GEN1: variants seen among roughly 807,000 people sequenced by gnomAD.
GEN1 encodes GEN1 structure-specific endonuclease, also known as flap endonuclease GEN homolog 1.
In GEN1, 64 loss-of-function variants were observed where a neutral mutation model predicts 67.6. The observed-to-expected ratio is 0.95, with a 90% CI of 0.77 to 1.17. The LOEUF is 1.17. GEN1 is among the 50% of genes most tolerant of loss of function. The probability of loss-of-function intolerance (pLI) is 0.00; values close to 1 mark genes in which losing one functional copy is unlikely to be tolerated. For synonymous variants in GEN1, 371 were observed against 359.4 expected, an observed-to-expected ratio of 1.03 and a Z score of -0.37; for missense variants, 1,058 against 1,048.3, an observed-to-expected ratio of 1.01 and a Z score of -0.13.
chr2:17,781,276 T>C lies in GEN1; in HGVS notation c.2064T>C (p.Asn688=), dbSNP rs139429589. ...IFTKLSYPQD[N]LQPDVNLKTL... is the part of the protein sequence containing the mutation. ...CAAAATTATCATATCCTCAGGATAA[T>C]CTACAACCAGATGTCAACCTGAAAA... The change falls in exon 14 of 14, where the codon AAT becomes AAC. Residue 688 remains asparagine (N), a synonymous_variant. Transcript: ENST00000381254. The C allele has an allele frequency of 1.1e-4, 182 of 1,613,674 alleles. No homozygotes were observed. The highest frequency in any genetic ancestry group is 2.0e-4 in the Admixed American group (12 of 59,996).
chr2:17,768,930 A>G (rs982849370), intron 6 of GEN1, 119 bp downstream of exon 6: 4 of 528,722 alleles, frequency 7.6e-6, no homozygotes, highest in African/African-American at 4.0e-5. Flanking sequence ...AAACTGACCT[A>G]TATTTTGTTT....
At chr2:17,779,539 T>C (rs1393659314) in intron 12 of GEN1, among the ~76,000 whole-genome samples, 2 of 152,170 alleles carry the variant, frequency 1.3e-5, no homozygotes, top group Non-Finnish European at 2.9e-5. Flanking sequence ...AAGCAAGATT[T>C]GCAATGAATA....
chr2:17,772,533 A>G lies in GEN1; in HGVS notation c.803-101A>G, dbSNP rs1363315854. 3 of 919,550 alleles carry G rather than the reference A, an allele frequency of 3.3e-6. No individual in the cohort carries two copies. In the African/African-American group the frequency reaches 5.0e-5, roughly 15 times the overall value. The allele number at this position is 919,550 out of a possible 1,614,324, so 57.0% of individuals were successfully genotyped here. A position where few individuals can be genotyped will look rare whatever the true frequency, so the allele number is the denominator to read the frequency against. ...CTATATGCTAGGTAGTGTGCTAGGC[A>G]ATATTAATTTTGGAAAATTTAGATA... On this transcript the variant is annotated intron_variant, in intron 7 of 13. Coordinates refer to ENST00000381254, the MANE Select transcript of GEN1 (RefSeq NM_001130009.3).
intron 12 of GEN1, among the ~76,000 whole-genome samples, chr2:17,778,430 G>C (rs7370439): frequency 0.027 from 2,299 of 84,238 alleles, 679 homozygotes; most frequent in African/African-American, 0.071. Context: ...GTACATATAT[G>C]TATATACACA....
intron 6 of GEN1, among the ~76,000 whole-genome samples, chr2:17,769,365 A>C (rs1192080505): frequency 6.6e-6 from 1 of 152,090 alleles, no homozygotes; most frequent in Non-Finnish European, 1.5e-5. Flanking sequence ...GGCATGAGCC[A>C]CGGTGCCCAG....
chr2:17,770,776 TTACTC>T (rs1229256763), intron 6 of GEN1, among the ~76,000 whole-genome samples: 2 of 151,998 alleles, frequency 1.3e-5, no homozygotes, highest in African/African-American at 4.8e-5. Context: ...ATATTACTCT[TTACTC>T]TTCTTTCTGA....
chr2:17,784,305 ATAATAAC>A lies in GEN1; in HGVS notation c.*2369_*2375del. The A allele has an allele frequency of 6.6e-6, 1 of 152,226 alleles. No homozygotes were observed. Among genetic ancestry groups the A allele is most frequent in the Non-Finnish European group, 1.5e-5 (1 of 68,042 alleles). 9.4% of individuals were successfully genotyped at this position (152,226 alleles called of 1,614,324 possible). ...ACACCCAATGTCTACAATCAAAAAG[ATAATAAC>A]TAGTATTGATGAGGATGTGGAGAAA... On this transcript the variant is annotated 3_prime_UTR_variant, in exon 14 of 14. Coordinates refer to ENST00000381254, the MANE Select transcript of GEN1 (RefSeq NM_001130009.3).
At chr2:17,767,211 T>G (rs1022644669) in intron 5 of GEN1, among the ~76,000 whole-genome samples, 1 of 152,218 alleles carries the variant, frequency 6.6e-6, no homozygotes, top group African/African-American at 2.4e-5. Context: ...TCTAGTGCTC[T>G]GTAACAAATA....
At chr2:17,777,481 G>A (rs551045313) in intron 11 of GEN1, among the ~76,000 whole-genome samples, 6 of 152,224 alleles carry the variant, frequency 3.9e-5, no homozygotes, top group Middle Eastern at 6.8e-3. Context: ...GAAGATGGAA[G>A]TAACAAAGAA....
intron 3 of GEN1, 148 bp downstream of exon 3, chr2:17,761,730 T>C: frequency 1.6e-6 from 1 of 610,954 alleles, no homozygotes; most frequent in Non-Finnish European, 2.7e-6. Context: ...TAGAGTGAAA[T>C]TGACCTGAGT....
intron 6 of GEN1, among the ~76,000 whole-genome samples, chr2:17,769,463 A>G (rs1672086393): frequency 6.6e-6 from 1 of 152,178 alleles, no homozygotes; most frequent in Admixed American, 6.5e-5. Context: ...GACCATGGGC[A>G]TTTTGCCACT....
intron 1 of GEN1, among the ~76,000 whole-genome samples, chr2:17,759,378 T>TA (rs1458126368): frequency 2.6e-5 from 4 of 152,228 alleles, no homozygotes; most frequent in Admixed American, 6.5e-5. Flanking sequence ...GGGTGGTGGT[T>TA]AAAAGTTATA....
At chr2:17,759,129 G>A (rs531879238) in intron 1 of GEN1, among the ~76,000 whole-genome samples, 1 of 152,288 alleles carries the variant, frequency 6.6e-6, no homozygotes, top group East Asian at 1.9e-4. Flanking sequence ...ATGAATGAAG[G>A]TCATTATTTA....
intron 10 of GEN1, 68 bp downstream of exon 10, chr2:17,773,367 C>A: frequency 2.1e-6 from 2 of 955,260 alleles, no homozygotes; most frequent in South Asian, 1.5e-5. Flanking sequence ...CAGATATTCA[C>A]TCTGATTGGT....
intron 3 of GEN1, among the ~76,000 whole-genome samples, chr2:17,762,547 G>C (rs983450253): frequency 2.6e-5 from 4 of 152,016 alleles, no homozygotes. Context: ...TTAAAGAGTT[G>C]TAGTAGTACA....
rs570465476 is a variant in GEN1, at chr2:17,786,428, T to C, written c.*4489T>C. 2.6e-5 allele frequency: 4 copies of C among 152,318 alleles called. No homozygotes were observed. In the South Asian group the frequency reaches 6.2e-4, roughly 24 times the overall value. 9.4% of individuals were successfully genotyped at this position (152,318 alleles called of 1,614,324 possible). ...TGGCATTTGAGCTACTGGAAAAAAA[T>C]TGTGCTTGCTTAAATATAATGTGGT... On this transcript the variant is annotated 3_prime_UTR_variant, in exon 14 of 14. Transcript: ENST00000381254.
chr2:17,767,333 C>T (rs1671978874), intron 5 of GEN1, among the ~76,000 whole-genome samples: 2 of 152,028 alleles, frequency 1.3e-5, no homozygotes. Flanking sequence ...ATGTAGTTCC[C>T]TTATTATGTT....
chr2:17,778,132 A>G (rs942591819), intron 12 of GEN1, 69 bp downstream of exon 12: 2 of 637,592 alleles, frequency 3.1e-6, no homozygotes, highest in Non-Finnish European at 5.5e-6. Context: ...TAAATATTGT[A>G]TATGTGTATA....
At chr2:17,768,301 G>A (rs1057073577) in intron 5 of GEN1, among the ~76,000 whole-genome samples, 7 of 152,014 alleles carry the variant, frequency 4.6e-5, no homozygotes, top group Non-Finnish European at 7.4e-5. Context: ...ACGTTCCTTC[G>A]TTCTCTGTTT....
Sources: gnomAD v4.1 joint callset for allele counts (sites outside exome capture counted in the v4.1 genomes callset) on GRCh38, gnomAD v4.1.1 for gene constraint, MANE v1.5 for transcripts, NCBI Gene and HGNC (gene_info 2026-07-23, HGNC 2026-07-21) for gene names.